The following CAMK2B variants were observed in gnomAD, a reference collection of about 807,000 sequenced individuals.
The protein encoded by CAMK2B is calcium/calmodulin-dependent protein kinase type II subunit beta.
A neutral mutation model predicts 93.7 loss-of-function variants in CAMK2B; 27 were observed. The observed-to-expected ratio is 0.29, with a 90% CI of 0.21 to 0.40. The LOEUF (loss-of-function observed/expected upper bound fraction) is 0.40, where lower values mean the gene tolerates loss of function less well. Ranked by LOEUF, CAMK2B falls within the 10% of genes least tolerant of loss-of-function variation. CAMK2B has a pLI of 1.00. For synonymous variants in CAMK2B, 374 were observed against 358.8 expected, an observed-to-expected ratio of 1.04 and a Z score of -0.48; for missense variants, 568 against 895.8, an observed-to-expected ratio of 0.63 and a Z score of 4.67.
intron 1 of CAMK2B, among the ~76,000 whole-genome samples, chr7:44,315,069 T>G (rs1794535628): frequency 6.6e-6 from 1 of 152,218 alleles, no homozygotes; most frequent in Non-Finnish European, 1.5e-5. Context: ...ATACAAAAGT[T>G]TTCACTGTTA....
At position 44,242,658 on chromosome 7, in the gene CAMK2B, C is replaced by A. The variant is rs200389446; in HGVS notation, c.602-4G>T. 12 of 1,603,206 alleles carry A rather than the reference C, an allele frequency of 7.5e-6. No individual in the cohort carries two copies. Among genetic ancestry groups the A allele is most frequent in the Admixed American group, 6.8e-5 (4 of 59,092 alleles). Reference sequence around the variant, plus strand: ...AGCAGGATGTACAGGATCACCCCTGCGGATGGGGCCTGTGAGCACCGCAGC... The same window carrying A: ...AGCAGGATGTACAGGATCACCCCTGAGGATGGGGCCTGTGAGCACCGCAGC... On this transcript the variant is annotated splice_region_variant and splice_polypyrimidine_tract_variant and intron_variant, in intron 8 of 23. Transcript: ENST00000395749.
intron 8 of CAMK2B, 111 bp from the exon 9 acceptor site, chr7:44,242,765 G>T: frequency 2.7e-6 from 2 of 752,276 alleles, no homozygotes; most frequent in Non-Finnish European, 2.3e-6. Context: ...AGGGCATTGG[G>T]GTCCTCAGCA....
intron 17 of CAMK2B, chr7:44,229,788 C>A: frequency 3.0e-6 from 1 of 332,774 alleles, no homozygotes. Context: ...TCAGAGGCCA[C>A]CCTGCCACCC....
chr7:44,276,320 G>A (rs967826097), intron 2 of CAMK2B, among the ~76,000 whole-genome samples: 2 of 152,172 alleles, frequency 1.3e-5, no homozygotes, highest in South Asian at 2.1e-4. Flanking sequence ...CTGCCGACCA[G>A]GCACTCATTA....
chr7:44,239,450 C>G, intron 13 of CAMK2B, 139 bp downstream of exon 13: 1 of 704,654 alleles, frequency 1.4e-6, no homozygotes, highest in South Asian at 1.7e-5. Context: ...TGTGACCACA[C>G]GGGAGCAGGG....
chr7:44,295,084 T>C (rs1009737843), intron 1 of CAMK2B, among the ~76,000 whole-genome samples: 3 of 152,210 alleles, frequency 2.0e-5, no homozygotes, highest in Non-Finnish European at 4.4e-5. Flanking sequence ...TTAGCGCTGG[T>C]CTGCAAAATG....
chr7:44,264,800 A>G (rs1414835425), intron 2 of CAMK2B, among the ~76,000 whole-genome samples: 1 of 152,188 alleles, frequency 6.6e-6, no homozygotes, highest in Non-Finnish European at 1.5e-5. Flanking sequence ...AACCAGCCCA[A>G]GTGTCTGTCA....
chr7:44,292,819 A>G (rs112105506), intron 1 of CAMK2B, among the ~76,000 whole-genome samples: 1 of 152,212 alleles, frequency 6.6e-6, no homozygotes, highest in Non-Finnish European at 1.5e-5. Context: ...AAGCCACAAG[A>G]GATGCTTCTG....
intron 5 of CAMK2B, among the ~76,000 whole-genome samples, chr7:44,253,184 T>C (rs967487180): frequency 3.9e-5 from 6 of 151,986 alleles, no homozygotes; most frequent in Non-Finnish European, 7.4e-5. Context: ...AAGTAATACA[T>C]ACTCATTTTA....
chr7:44,233,701 C>T (rs1238378463), intron 15 of CAMK2B, among the ~76,000 whole-genome samples: 1 of 152,160 alleles, frequency 6.6e-6, no homozygotes, highest in African/African-American at 2.4e-5. Context: ...TGTAGGAGCC[C>T]CCAGGGCAAG....
At position 44,258,646 on chromosome 7, in the gene CAMK2B, C is replaced by G. The variant is rs771134785; in HGVS notation, c.275+226G>C. Reference sequence around the variant, plus strand: ...GAGAGGGGGAGTCCAGGATGTCAGCCCTGCCTCTGTGGGCCTCAGTAACCC... The same window carrying G: ...GAGAGGGGGAGTCCAGGATGTCAGCGCTGCCTCTGTGGGCCTCAGTAACCC... On this transcript the variant is annotated intron_variant, in intron 4 of 23. Coordinates refer to ENST00000395749, the MANE Select transcript of CAMK2B (RefSeq NM_001220.5). Among the ~76,000 whole-genome samples, 5 of 152,202 alleles carry G rather than the reference C, an allele frequency of 3.3e-5. No homozygotes were observed. In the South Asian group the frequency reaches 1.0e-3, roughly 32 times the overall value.
chr7:44,313,906 G>A (rs1023211814), intron 1 of CAMK2B, among the ~76,000 whole-genome samples: 1 of 151,566 alleles, frequency 6.6e-6, no homozygotes, highest in East Asian at 2.0e-4. Context: ...TTTTGTTTGC[G>A]AAGACACTTC....
chr7:44,283,062 C>T (rs1373517708), intron 2 of CAMK2B, among the ~76,000 whole-genome samples: 1 of 152,210 alleles, frequency 6.6e-6, no homozygotes, highest in Non-Finnish European at 1.5e-5. Flanking sequence ...GGGGCTGCCA[C>T]CTCAGTGAGG....
In CAMK2B at chr7:44,312,291, C is replaced by T. The variant is rs990671174; in HGVS notation, c.65+13066G>A. Among the ~76,000 whole-genome samples, 4 of 150,560 alleles carry T rather than the reference C, an allele frequency of 2.7e-5. No individual in the cohort carries two copies. Among genetic ancestry groups the T allele is most frequent in the Non-Finnish European group, 5.9e-5 (4 of 67,666 alleles). ...AAATAGTTCAGCCAGGTGTCAGTGGCGAGAGGGTGGTGGTGGGAGGGTGGG... is the reference window on the plus strand; with the variant it reads ...AAATAGTTCAGCCAGGTGTCAGTGGTGAGAGGGTGGTGGTGGGAGGGTGGG... On this transcript the variant is annotated intron_variant, in intron 1 of 23. Coordinates refer to ENST00000395749, the MANE Select transcript of CAMK2B (RefSeq NM_001220.5). This position sits in a 1 kb window ranked among gnomAD's most constrained non-coding sequence, Gnocchi z 4.1.
upstream of CAMK2B, chr7:44,325,864 C>A (rs1013236936): frequency 6.9e-6 from 1 of 145,564 alleles, no homozygotes; most frequent in Non-Finnish European, 1.5e-5. Flanking sequence ...CCCCCGCCCG[C>A]CCCCGCACCC....
intron 14 of CAMK2B, 65 bp downstream of exon 14, chr7:44,234,574 G>C (rs1241129929): frequency 2.5e-6 from 4 of 1,596,204 alleles, no homozygotes; most frequent in Admixed American, 1.7e-5. Context: ...AGGAGCCCCA[G>C]GGCGTGGGGG....
chr7:44,235,730 C>A (rs1204870150), intron 13 of CAMK2B, among the ~76,000 whole-genome samples: 1 of 152,212 alleles, frequency 6.6e-6, no homozygotes, highest in African/African-American at 2.4e-5. Flanking sequence ...AGAGAGGCAG[C>A]CAGGCTGGAG....
At position 44,229,441 on chromosome 7, in the gene CAMK2B, T is replaced by C. The variant is rs548090397; in HGVS notation, c.1286A>G (p.Glu429Gly). 1.3e-6 allele frequency: 2 copies of C among 1,494,410 alleles called. No homozygotes were observed. The highest frequency in any genetic ancestry group is 2.6e-5 in the East Asian group (1 of 38,726). The allele number at this position is 1,494,410 out of a possible 1,614,324, so 92.6% of individuals were successfully genotyped here. Residue 429 changes from glutamate (E) to glycine (G), a missense_variant, in exon 18 of 24, where the codon GAG becomes GGG. Physicochemically the swap from Glu to Gly is moderately conservative, Grantham distance 98 (BLOSUM62 -2). Around this residue, in one of 4 missense-constraint regions of CAMK2B, gnomAD observed 308 missense variants for 292.1 expected, o/e 1.05. Coordinates refer to ENST00000395749, the MANE Select transcript of CAMK2B (RefSeq NM_001220.5). ...CGGAGATGGGCAGGGCAGGGGCCCC[T>C]CGGCTTCTGGGGCTCCCGAGCCCCT... ...VRRGSGAPEAEGPLPCPSPAP... is the reference protein window; with the variant it reads ...VRRGSGAPEAGGPLPCPSPAP...
chr7:44,255,001 A>G (rs906675410), intron 4 of CAMK2B, among the ~76,000 whole-genome samples: 3 of 151,894 alleles, frequency 2.0e-5, no homozygotes. Context: ...CAGGGTCTGC[A>G]TTGTTACACC....
Sources: gnomAD v4.1 joint callset for allele counts (sites outside exome capture counted in the v4.1 genomes callset) on GRCh38, gnomAD v4.1.1 for gene constraint, gnomAD v4.1.1 regional missense constraint, Gnocchi (gnomAD v3.1) non-coding constraint, MANE v1.5 for transcripts, NCBI Gene and HGNC (gene_info 2026-07-23, HGNC 2026-07-21) for gene names.